SZRD1: variants seen among roughly 807,000 people sequenced by gnomAD.
The protein encoded by SZRD1 is SUZ RNA binding domain containing 1, also known as SUZ RNA-binding domain-containing.
SZRD1 carries 7 observed loss-of-function variants against 17.6 expected under a neutral mutation model. That is an observed-to-expected ratio of 0.40 (90% CI 0.23 to 0.75). SZRD1 has a LOEUF of 0.75. Among genes scored for constraint, SZRD1 ranks in the 30% least tolerant of loss-of-function variants. The pLI is 0.38. For missense variants in SZRD1, 178 were observed against 201.8 expected (o/e 0.88, Z 0.71); for synonymous variants, 77 against 77.9 (o/e 0.99, Z 0.06).
intron 3 of SZRD1, among the ~76,000 whole-genome samples, chr1:16,394,686 G>A (rs1283713156): frequency 6.7e-6 from 1 of 150,056 alleles, no homozygotes. Flanking sequence ...GGGACATCTA[G>A]GCCAGGTGCA....
At position 16,393,805 on chromosome 1, in the gene SZRD1, G is replaced by A. The variant is rs759313516; in HGVS notation, c.356+323G>A. Among the ~76,000 whole-genome samples the A allele has an allele frequency of 9.9e-5, 15 of 152,196 alleles. No homozygotes were observed. Among genetic ancestry groups the A allele is most frequent in the African/African-American group, 3.6e-4 (15 of 41,444 alleles). ...AAATCTGCCTCTTACCTCTTCTTTA[G>A]AACGACTTGACCTCTCTGGGCCTTA... On this transcript the variant is annotated intron_variant, in intron 3 of 3. Coordinates refer to ENST00000401088, the MANE Select transcript of SZRD1 (RefSeq NM_001114600.3). This position sits in a 1 kb window ranked among gnomAD's most constrained non-coding sequence, Gnocchi z 5.6.
At chr1:16,390,697 C>A (rs1159437100) in intron 1 of SZRD1, 1 of 152,076 alleles carries the variant, frequency 6.6e-6, no homozygotes, top group African/African-American at 2.4e-5. Context: ...TAGATATGAC[C>A]ATAAAGGAAT....
intron 1 of SZRD1, among the ~76,000 whole-genome samples, chr1:16,376,495 G>A (rs111280319): frequency 1.3e-5 from 2 of 152,140 alleles, no homozygotes; most frequent in Admixed American, 6.6e-5. Flanking sequence ...ATTTGGCCAA[G>A]TGGAAAAAGA....
At chr1:16,370,225 CTTT>C (rs557535183) in intron 1 of SZRD1, among the ~76,000 whole-genome samples, 7 of 143,396 alleles carry the variant, frequency 4.9e-5, no homozygotes, top group Non-Finnish European at 4.6e-5. Flanking sequence ...CTTTCTTTTC[CTTT>C]TTTTTTTTTT....
intron 1 of SZRD1, chr1:16,390,645 G>A (rs1424167915): frequency 1.3e-5 from 2 of 152,176 alleles, no homozygotes; most frequent in Admixed American, 6.5e-5. Flanking sequence ...CAGTCACAGA[G>A]AGTTCAAGTC....
intron 1 of SZRD1, among the ~76,000 whole-genome samples, chr1:16,388,678 CTTTTT>C (rs950662267): frequency 1.1e-5 from 1 of 92,162 alleles, no homozygotes; most frequent in Non-Finnish European, 2.1e-5. Flanking sequence ...AAGAATAAGT[CTTTTT>C]TTTTTTTTTT....
At chr1:16,373,579 CA>C (rs551574637) in intron 1 of SZRD1, among the ~76,000 whole-genome samples, 3,072 of 61,130 alleles carry the variant, frequency 0.05, 89 homozygotes, top group African/African-American at 0.15. Context: ...AACTCCGTCT[CA>C]AAAAAAAAAA....
chr1:16,383,399 T>C (rs2083138166), intron 1 of SZRD1, among the ~76,000 whole-genome samples: 1 of 151,948 alleles, frequency 6.6e-6, no homozygotes, highest in African/African-American at 2.4e-5. Flanking sequence ...TTTTTATTTT[T>C]TGTAGAGTTG....
intron 1 of SZRD1, among the ~76,000 whole-genome samples, chr1:16,389,025 T>G (rs921702110): frequency 1.3e-5 from 2 of 151,340 alleles, no homozygotes; most frequent in Non-Finnish European, 2.9e-5. Context: ...TAGAACAATA[T>G]AGCTAACCAG....
intron 1 of SZRD1, among the ~76,000 whole-genome samples, chr1:16,380,846 A>G (rs1001353308): frequency 3.3e-5 from 5 of 151,790 alleles, no homozygotes; most frequent in Non-Finnish European, 7.4e-5. Flanking sequence ...AGCTCAAGCA[A>G]TCCACTTGCC....
At chr1:16,387,504 C>T in intron 1 of SZRD1, 1 of 456,652 alleles carries the variant, frequency 2.2e-6, no homozygotes, top group Non-Finnish European at 4.4e-6. Context: ...TGCGCTAGAT[C>T]TGGCCCTGTC....
chr1:16,369,119 A>T, intron 1 of SZRD1: 1 of 386,766 alleles, frequency 2.6e-6, no homozygotes, highest in Non-Finnish European at 4.6e-6. Context: ...TTATTGAAAA[A>T]CTTATACAAA....
intron 1 of SZRD1, chr1:16,368,164 A>C (rs992835041): frequency 6.6e-6 from 1 of 152,154 alleles, no homozygotes; most frequent in Admixed American, 6.5e-5. Context: ...ATTTGTGAAT[A>C]ATTTGGTCTT....
At chr1:16,367,428 G>T (rs931941973) in intron 1 of SZRD1, 120 bp downstream of exon 1, 2 of 934,620 alleles carry the variant, frequency 2.1e-6, no homozygotes, top group African/African-American at 3.4e-5. Flanking sequence ...CGGGCTGGGG[G>T]TGGTGGAGAG....
intron 1 of SZRD1, among the ~76,000 whole-genome samples, chr1:16,372,934 A>G (rs181533531): frequency 1.1e-4 from 16 of 152,340 alleles, no homozygotes; most frequent in Admixed American, 6.5e-4. Context: ...AAAGTCTTGT[A>G]AAGAAGACGA....
intron 3 of SZRD1, among the ~76,000 whole-genome samples, chr1:16,394,233 T>G (rs1003265740): frequency 6.6e-6 from 1 of 152,206 alleles, no homozygotes; most frequent in Non-Finnish European, 1.5e-5. Flanking sequence ...TTCTTTTTGT[T>G]GTTTCTCCTC....
At chr1:16,389,313 G>T (rs1449637016) in intron 1 of SZRD1, among the ~76,000 whole-genome samples, 1 of 151,394 alleles carries the variant, frequency 6.6e-6, no homozygotes, top group African/African-American at 2.4e-5. Context: ...CGCCCAGGCT[G>T]GAGTGCAGTG....
At chr1:16,367,463 A>G (rs945879941) in intron 1 of SZRD1, among the ~76,000 whole-genome samples, 155 bp downstream of exon 1, 1 of 152,124 alleles carries the variant, frequency 6.6e-6, no homozygotes, top group African/African-American at 2.4e-5. Context: ...AGCGCCGTGA[A>G]GGCCTCTTAA....
chr1:16,375,238 C>T lies in SZRD1; in HGVS notation c.51+7930C>T, dbSNP rs12031355. Among the ~76,000 whole-genome samples the T allele has an allele frequency of 1.2e-3, 182 of 152,310 alleles. 1 individual carries two copies. In the East Asian group the frequency reaches 0.034, roughly 28 times the overall value. On this transcript the variant is annotated intron_variant, in intron 1 of 3. Coordinates refer to ENST00000401088, the MANE Select transcript of SZRD1 (RefSeq NM_001114600.3). ...GCATCCTTCTCTTTAACATCTAGCT[C>T]TGTGCAGGATATTAAGGTAAAACCA...
Sources: allele counts gnomAD v4.1 joint callset (sites outside exome capture counted in the v4.1 genomes callset), GRCh38; gene constraint gnomAD v4.1.1; non-coding constraint Gnocchi (gnomAD v3.1); transcripts MANE v1.5; gene names NCBI Gene and HGNC (gene_info 2026-07-23, HGNC 2026-07-21).